PRKN: variants seen among roughly 807,000 people sequenced by gnomAD.
The protein encoded by PRKN is E3 ubiquitin-protein ligase parkin.
In PRKN, 56 loss-of-function variants were observed where a neutral mutation model predicts 59.5. The observed-to-expected ratio is 0.94, with a 90% CI of 0.76 to 1.18. PRKN has a LOEUF of 1.18. PRKN is among the 50% of genes most tolerant of loss of function. The pLI, the probability that PRKN is intolerant of heterozygous loss-of-function variation, is 0.00. For missense variants in PRKN, 657 were observed against 596.4 expected, an observed-to-expected ratio of 1.10 and a Z score of -1.06; for synonymous variants, 250 against 222.1, an observed-to-expected ratio of 1.13 and a Z score of -1.12.
chr6:161,412,774 C>G (rs1787645204), intron 9 of PRKN, among the ~76,000 whole-genome samples: 3 of 151,500 alleles, frequency 2.0e-5, no homozygotes, highest in Admixed American at 6.6e-5. Flanking sequence ...CATTCCTTCA[C>G]TCACTCATTC....
At chr6:162,523,634 A>G (rs1778159074) in intron 1 of PRKN, among the ~76,000 whole-genome samples, 1 of 152,164 alleles carries the variant, frequency 6.6e-6, no homozygotes, top group Non-Finnish European at 1.5e-5. Flanking sequence ...ACTGTATTCC[A>G]GCCTGGGTGA....
At chr6:162,707,659 C>A (rs1778384725) in intron 1 of PRKN, among the ~76,000 whole-genome samples, 1 of 151,950 alleles carries the variant, frequency 6.6e-6, no homozygotes, top group Admixed American at 6.6e-5. Context: ...ACTGCAACCT[C>A]CAACTCCCGG....
At chr6:162,373,709 G>A (rs1295551985) in intron 2 of PRKN, among the ~76,000 whole-genome samples, 2 of 151,992 alleles carry the variant, frequency 1.3e-5, no homozygotes, top group Non-Finnish European at 2.9e-5. Context: ...TGACATAGAA[G>A]AACAAGTTTA....
intron 7 of PRKN, among the ~76,000 whole-genome samples, chr6:161,672,415 T>C (rs1392150107): frequency 1.3e-5 from 2 of 152,218 alleles, no homozygotes; most frequent in East Asian, 1.9e-4. Context: ...TAACAAGCTT[T>C]TCACTGAACT....
chr6:161,598,935 G>T (rs546701925), intron 7 of PRKN, among the ~76,000 whole-genome samples: 2 of 152,130 alleles, frequency 1.3e-5, no homozygotes, highest in Non-Finnish European at 2.9e-5. Context: ...GGTCATGAGG[G>T]TGGGCCCTAA....
chr6:161,839,252 G>A (rs757308999), intron 6 of PRKN, among the ~76,000 whole-genome samples: 3 of 152,094 alleles, frequency 2.0e-5, no homozygotes, highest in African/African-American at 7.2e-5. Context: ...AAGGTAAGCC[G>A]GACACTGAGA....
At chr6:162,695,011 G>A (rs1777917375) in intron 1 of PRKN, 2 of 152,094 alleles carry the variant, frequency 1.3e-5, no homozygotes, top group African/African-American at 4.8e-5. Context: ...CCCAGTAAAT[G>A]TCAATATGCT....
chr6:161,429,905 A>G lies in PRKN; in HGVS notation c.1084-43028T>C, dbSNP rs761235143. Among the ~76,000 whole-genome samples the G allele has an allele frequency of 6.6e-6, 1 of 152,190 alleles. No homozygotes were observed. The highest frequency in any genetic ancestry group is 2.1e-4 in the South Asian group (1 of 4,830). On this transcript the variant is annotated intron_variant, in intron 9 of 11. Coordinates refer to ENST00000366898, the MANE Select transcript of PRKN (RefSeq NM_004562.3). This position sits in a 1 kb window ranked among gnomAD's most constrained non-coding sequence, Gnocchi z 4.2. ...TGCAAGCTAACAAGTTAGTCTGCTC[A>G]GTTTTACGGAGGCCAGGAGAAGACC...
chr6:162,442,416 G>A (rs371101442), intron 2 of PRKN, among the ~76,000 whole-genome samples: 2 of 152,120 alleles, frequency 1.3e-5, no homozygotes, highest in East Asian at 3.9e-4. Context: ...CCCAGAAAGC[G>A]TTTCGTCTTT....
intron 6 of PRKN, among the ~76,000 whole-genome samples, chr6:161,787,448 A>G (rs569462061): frequency 3.3e-5 from 5 of 152,262 alleles, no homozygotes; most frequent in African/African-American, 1.2e-4. Context: ...GCTCAAGCAC[A>G]CACATACTTT....
chr6:162,359,014 T>TATTCTTCCATACTTAATCATA (rs1338563515), intron 2 of PRKN, among the ~76,000 whole-genome samples: 1 of 145,232 alleles, frequency 6.9e-6, no homozygotes, highest in African/African-American at 2.6e-5. Flanking sequence ...GAGCCGAGAT[T>TATTCTTCCATACTTAATCATA]GTGCTACTGC....
chr6:162,511,722 T>C (rs1257913369), intron 1 of PRKN, among the ~76,000 whole-genome samples: 1 of 152,126 alleles, frequency 6.6e-6, no homozygotes, highest in Non-Finnish European at 1.5e-5. Context: ...ATCTCATTCT[T>C]GTATTAAGAC....
chr6:162,015,121 C>T (rs888227276), intron 5 of PRKN, among the ~76,000 whole-genome samples: 2 of 152,074 alleles, frequency 1.3e-5, no homozygotes, highest in East Asian at 3.9e-4. Context: ...GGAAGCCAAC[C>T]GTTCAAATTT....
chr6:161,686,390 C>T (rs1785555160), intron 7 of PRKN, among the ~76,000 whole-genome samples: 1 of 152,202 alleles, frequency 6.6e-6, no homozygotes, highest in Non-Finnish European at 1.5e-5. Context: ...TTACATCCTA[C>T]TTATCTACAT....
intron 9 of PRKN, among the ~76,000 whole-genome samples, chr6:161,529,000 T>C (rs886346240): frequency 6.6e-6 from 1 of 152,182 alleles, no homozygotes; most frequent in Non-Finnish European, 1.5e-5. Flanking sequence ...CTTTGTTTTA[T>C]TTGAATTATT....
In PRKN at chr6:161,471,312, GT is replaced by G; in HGVS notation, c.1083+77541del. Among the ~76,000 whole-genome samples, 1 of 152,264 alleles carries G rather than the reference GT, an allele frequency of 6.6e-6. No homozygotes were observed. The highest frequency in any genetic ancestry group is 6.5e-5 in the Admixed American group (1 of 15,300). On this transcript the variant is annotated intron_variant, in intron 9 of 11. Transcript: ENST00000366898. The surrounding 1 kb of genome is among the most constrained non-coding windows in gnomAD (Gnocchi z 4.5). Reference sequence around the variant, plus strand: ...TGAGTTTTGGGGTTATGGGGATGTTGTTTTATTTCACTTACAGATATACACC... The same window carrying G: ...TGAGTTTTGGGGTTATGGGGATGTTGTTTATTTCACTTACAGATATACACC...
intron 9 of PRKN, among the ~76,000 whole-genome samples, chr6:161,455,931 A>T (rs1017785707): frequency 6.6e-6 from 1 of 152,138 alleles, no homozygotes; most frequent in African/African-American, 2.4e-5. Flanking sequence ...TCATATCAAC[A>T]TATTATAGAG....
chr6:161,803,818 G>A (rs1483622910), intron 6 of PRKN, among the ~76,000 whole-genome samples: 2 of 152,182 alleles, frequency 1.3e-5, no homozygotes, highest in East Asian at 1.9e-4. Flanking sequence ...GGCATGTGGC[G>A]GGTCTGCGAC....
chr6:162,682,807 A>G (rs1433971061), intron 1 of PRKN, among the ~76,000 whole-genome samples: 2 of 152,140 alleles, frequency 1.3e-5, no homozygotes, highest in Non-Finnish European at 2.9e-5. Flanking sequence ...AAAAGAAGAA[A>G]AAAAAGAACA....
Sources: gnomAD v4.1 joint callset for allele counts (sites outside exome capture counted in the v4.1 genomes callset) on GRCh38, gnomAD v4.1.1 for gene constraint, Gnocchi (gnomAD v3.1) non-coding constraint, MANE v1.5 for transcripts, NCBI Gene and HGNC (gene_info 2026-07-23, HGNC 2026-07-21) for gene names.